Variants in NDE1 observed in about 807,000 individuals in gnomAD.
NDE1 encodes the protein nudE neurodevelopment protein 1, also known as nuclear distribution protein nudE homolog 1.
A neutral mutation model predicts 43.4 loss-of-function variants in NDE1; 28 were observed. The observed-to-expected ratio is 0.65, with a 90% CI of 0.48 to 0.89. The LOEUF is 0.89. Among genes scored for constraint, NDE1 ranks in the 40% least tolerant of loss-of-function variants. The probability of loss-of-function intolerance (pLI) is 0.00; values close to 1 mark genes in which losing one functional copy is unlikely to be tolerated. For synonymous variants in NDE1, 184 were observed against 172.0 expected, an observed-to-expected ratio of 1.07 and a Z score of -0.55; for missense variants, 441 against 434.1, an observed-to-expected ratio of 1.02 and a Z score of -0.14.
At chr16:15,690,149 A>C (rs2038660164) in intron 5 of NDE1, among the ~76,000 whole-genome samples, 9 of 151,338 alleles carry the variant, frequency 5.9e-5, no homozygotes, top group Non-Finnish European at 1.5e-5. Flanking sequence ...GGCTCAAGCG[A>C]TTGTCTTGCC....
chr16:15,706,533 C>A (rs979215054), intron 8 of NDE1, among the ~76,000 whole-genome samples: 2 of 152,118 alleles, frequency 1.3e-5, no homozygotes, highest in African/African-American at 4.8e-5. Flanking sequence ...TATGGTGAAA[C>A]CCCGTCTCTA....
chr16:15,683,669 T>G (rs142279004), intron 4 of NDE1, among the ~76,000 whole-genome samples: 1 of 152,320 alleles, frequency 6.6e-6, no homozygotes, highest in East Asian at 1.9e-4. Flanking sequence ...TTTCAACATA[T>G]AAAATACATA....
chr16:15,692,651 C>T (rs1045821925), intron 6 of NDE1, among the ~76,000 whole-genome samples: 3 of 152,130 alleles, frequency 2.0e-5, no homozygotes, highest in African/African-American at 7.2e-5. Flanking sequence ...CTCAGGTGAT[C>T]TGCCTGCCTC....
intron 8 of NDE1, chr16:15,721,261 TCAGCCCCTCC>T (rs1291388271): frequency 3.0e-6 from 3 of 985,908 alleles, no homozygotes; most frequent in South Asian, 1.4e-5. Flanking sequence ...ACTGCCATTC[TCAGCCCCTCC>T]CAGCCCCTGC....
chr16:15,706,741 G>T (rs2039478616), intron 8 of NDE1, among the ~76,000 whole-genome samples: 1 of 152,040 alleles, frequency 6.6e-6, no homozygotes, highest in African/African-American at 2.4e-5. Flanking sequence ...GAGCTGGGAA[G>T]TAGTCCCTAA....
chr16:15,676,024 T>C (rs143571687), intron 3 of NDE1, among the ~76,000 whole-genome samples: 1,566 of 152,192 alleles, frequency 0.01, 34 homozygotes, highest in African/African-American at 0.035. Context: ...ATGGATGTTA[T>C]TGCTGCAGCT....
intron 8 of NDE1, among the ~76,000 whole-genome samples, chr16:15,707,276 G>A (rs963252482): frequency 9.2e-5 from 14 of 152,124 alleles, no homozygotes; most frequent in Non-Finnish European, 1.9e-4. Context: ...TTATCTGCCC[G>A]CCTCGGCCTC....
rs1288097596 is a variant in NDE1, at chr16:15,655,078, GT to G, written c.-44+4785del. Among the ~76,000 whole-genome samples, 3 of 152,078 alleles carry G rather than the reference GT, an allele frequency of 2.0e-5. No individual in the cohort carries two copies. In the East Asian group the frequency reaches 5.8e-4, roughly 29 times the overall value. The stretch of plus-strand genomic sequence containing the variant: ...CTTGTGCCCAGGCTGGAGTGCAGTG[GT>G]ACAATTTCTGCTCACTGCAACCTCT... On this transcript the variant is annotated intron_variant, in intron 1 of 8. Coordinates refer to ENST00000396354, the MANE Select transcript of NDE1 (RefSeq NM_017668.3).
chr16:15,655,742 A>G (rs1186085453), intron 1 of NDE1, among the ~76,000 whole-genome samples: 6 of 152,116 alleles, frequency 3.9e-5, no homozygotes, highest in Non-Finnish European at 5.9e-5. Context: ...ATGTCCAGCA[A>G]TGATAGACTG....
At chr16:15,660,801 C>G (rs964030470) in intron 1 of NDE1, among the ~76,000 whole-genome samples, 1 of 151,956 alleles carries the variant, frequency 6.6e-6, no homozygotes, top group Non-Finnish European at 1.5e-5. Context: ...TCCCTTTTTT[C>G]CCTTGAAACC....
At position 15,724,593 on chromosome 16, in the gene NDE1, A is replaced by G. The variant is rs1217194917; in HGVS notation, c.*342A>G. On this transcript the variant is annotated 3_prime_UTR_variant, in exon 9 of 9. Transcript: ENST00000396354. ...CCGCGATCTGCCTGCGGGGGATCTCAGCGCAGAGAAGTTGAGAGGACCCAT... is the reference window on the plus strand; with the variant it reads ...CCGCGATCTGCCTGCGGGGGATCTCGGCGCAGAGAAGTTGAGAGGACCCAT... 2.5e-6 allele frequency: 4 copies of G among 1,611,808 alleles called. No individual in the cohort carries two copies. The highest frequency in any genetic ancestry group is 2.0e-4 in the Middle Eastern group (1 of 4,892).
intron 5 of NDE1, among the ~76,000 whole-genome samples, chr16:15,689,473 C>G (rs916151880): frequency 6.6e-6 from 1 of 152,172 alleles, no homozygotes; most frequent in African/African-American, 2.4e-5. Context: ...GCCTGGGTGA[C>G]TGAGTCAGAC....
At position 15,677,815 on chromosome 16, in the gene NDE1, G is replaced by A. The variant is rs911529614; in HGVS notation, c.252G>A (p.Val84=). 1.9e-6 allele frequency: 3 copies of A among 1,614,162 alleles called. No homozygotes were observed. Among genetic ancestry groups the A allele is most frequent in the Non-Finnish European group, 2.5e-6 (3 of 1,180,042 alleles). Residue 84 remains valine, a synonymous_variant, in exon 4 of 9, where the codon GTG becomes GTA. Coordinates refer to ENST00000396354, the MANE Select transcript of NDE1 (RefSeq NM_017668.3). ...ELETIKEKFE[V]QHSEGYRQIS... ...TTGTCCTTCAGGAGAAGTTTGAAGT[G>A]CAGCACTCTGAAGGCTACCGGCAGA...
chr16:15,664,705 T>C, intron 1 of NDE1, 31 bp from the exon 2 acceptor site: 1 of 1,166,880 alleles, frequency 8.6e-7, no homozygotes, highest in South Asian at 1.2e-5. Flanking sequence ...TAACCAGATG[T>C]GGGTAATCAT....
intron 8 of NDE1, chr16:15,715,375 T>A: frequency 1.0e-6 from 1 of 991,062 alleles, no homozygotes; most frequent in Non-Finnish European, 1.6e-6. Context: ...CTGAGCCCCG[T>A]ATCTGGACTC....
chr16:15,718,015 G>T, intron 8 of NDE1: 1 of 491,416 alleles, frequency 2.0e-6, no homozygotes, highest in Non-Finnish European at 3.7e-6. Context: ...TCAGCTAGGG[G>T]AAAACGCAAT....
rs34081814 is a variant in NDE1 at position 15,689,938 on chromosome 16, CAAAAAA to C, written c.524-1190_524-1185del. Among the ~76,000 whole-genome samples the C allele has an allele frequency of 9.5e-5, 9 of 95,072 alleles. No individual in the cohort carries two copies. In the South Asian group the frequency reaches 1.7e-3, roughly 18 times the overall value. The allele number at this position is 95,072 out of a possible 152,430, so 62.4% of individuals were successfully genotyped here. Reference sequence around the variant, plus strand: ...CGGGCAAGAGAGTGAAACTCCATCTCAAAAAAAAAAAAAAAAAAAAATTCAGAGAAC... The same window carrying C: ...CGGGCAAGAGAGTGAAACTCCATCTCAAAAAAAAAAAAAAATTCAGAGAAC... On this transcript the variant is annotated intron_variant, in intron 5 of 8. Coordinates refer to ENST00000396354, the MANE Select transcript of NDE1 (RefSeq NM_017668.3).
At chr16:15,687,328 A>T in intron 4 of NDE1, 47 bp from the exon 5 acceptor site, 1 of 1,613,468 alleles carries the variant, frequency 6.2e-7, no homozygotes, top group Non-Finnish European at 8.5e-7. Context: ...TGCTGGAGGG[A>T]TGCTGCGGTT....
intron 8 of NDE1, chr16:15,714,629 G>A (rs1400507224): frequency 3.5e-6 from 2 of 565,356 alleles, no homozygotes; most frequent in Non-Finnish European, 6.4e-6. Context: ...GAGACAGTGG[G>A]GATAGCCTCT....
Sources: gnomAD v4.1 joint callset for allele counts (sites outside exome capture counted in the v4.1 genomes callset) on GRCh38, gnomAD v4.1.1 for gene constraint, MANE v1.5 for transcripts, NCBI Gene and HGNC (gene_info 2026-07-23, HGNC 2026-07-21) for gene names.